Variants in ITGA2B observed in about 807,000 individuals in gnomAD.
The protein encoded by ITGA2B is integrin alpha-IIb.
A neutral mutation model predicts 142.0 loss-of-function variants in ITGA2B; 91 were observed. The ratio of observed to expected loss-of-function variants is 0.64; its 90% CI spans 0.54 to 0.76. The LOEUF (loss-of-function observed/expected upper bound fraction) is 0.76, where lower values mean the gene tolerates loss of function less well. Among genes scored for constraint, ITGA2B ranks in the 30% least tolerant of loss-of-function variants. ITGA2B has a pLI of 0.00. For synonymous variants in ITGA2B, 536 were observed against 567.2 expected, an observed-to-expected ratio of 0.94 and a Z score of 0.78; for missense variants, 1,231 against 1,350.8, an observed-to-expected ratio of 0.91 and a Z score of 1.39.
Position 44,385,886 on chromosome 17 carries a change from G to T in ITGA2B, c.346C>A (p.Gln116Lys), listed in dbSNP as rs2048644287. ...ETRNVGSQTL[Q>K]TFKARQGLGA... ...AGTCCTTGGCGGGCCTTGAAGGTTT[G>T]TAAAGTTTGGGAGCCTACATTTCGG... The change falls in exon 3 of 30, where the codon CAA becomes AAA. Residue 116 changes from glutamine to lysine, a missense_variant. By Grantham distance (53) the Gln-to-Lys change is moderately conservative. Coordinates refer to ENST00000262407, the MANE Select transcript of ITGA2B (RefSeq NM_000419.5). The T allele has an allele frequency of 9.3e-6, 15 of 1,609,906 alleles. No homozygotes were observed. In the East Asian group the frequency reaches 3.3e-4, roughly 36 times the overall value.
Position 44,385,725 on chromosome 17 carries a change from A to G in ITGA2B, c.409-9T>C. ...TGCCAGGGGGCGCAGGCCTGGAGAA[A>G]GGCCACAGGAGTGGGGACGGGCGCG... On this transcript the variant is annotated splice_polypyrimidine_tract_variant and intron_variant, in intron 3 of 29. Transcript: ENST00000262407. The G allele has an allele frequency of 1.9e-6, 3 of 1,613,562 alleles. No individual in the cohort carries two copies. Among genetic ancestry groups the G allele is most frequent in the Non-Finnish European group, 1.7e-6 (2 of 1,179,972 alleles).
At chr17:44,373,875 C>CT in intron 29 of ITGA2B, 1 of 208,032 alleles carries the variant, frequency 4.8e-6, no homozygotes, top group Non-Finnish European at 9.9e-6. Flanking sequence ...TTTGTTTTGC[C>CT]TTTTTTGCTC....
chr17:44,375,836 G>A lies in ITGA2B; in HGVS notation c.2598C>T (p.Leu866=). The A allele has an allele frequency of 6.3e-7, 1 of 1,579,048 alleles. No homozygotes were observed. The highest frequency in any genetic ancestry group is 1.9e-5 in the Admixed American group (1 of 52,778). ...CTTTCTTCCACCCAGCTCTTACCTT[G>A]AGAGGGTTGACAGGAGGCTGTGGGA... ...QCFPQPPVNP[L]KVDWGLPIPS... The change falls in exon 25 of 30, where the codon CTC becomes CTT. Residue 866 remains leucine, a synonymous_variant. Transcript: ENST00000262407.
At position 44,380,396 on chromosome 17, in the gene ITGA2B, G is replaced by T. The variant is rs766088221; in HGVS notation, c.1534C>A (p.Pro512Thr). Reference sequence around the variant, plus strand: ...CCTCTGCCTCCTCACCAGCTCACGGGTGTCTTGGTCTGAGGTAGGACACAG... The same window carrying T: ...CCTCTGCCTCCTCACCAGCTCACGGTTGTCTTGGTCTGAGGTAGGACACAG... The part of the protein sequence containing the change: ...KSCVLPQTKT[P>T]VSCFNIQMCV... The change falls in exon 15 of 30, where the codon CCC (proline) becomes ACC (threonine). Residue 512 changes from proline to threonine, a missense_variant. Around this residue, in one of 3 missense-constraint regions of ITGA2B, gnomAD observed 908 missense variants for 1,021.1 expected, o/e 0.89. Coordinates refer to ENST00000262407, the MANE Select transcript of ITGA2B (RefSeq NM_000419.5). 2.5e-6 allele frequency: 4 copies of T among 1,614,140 alleles called. No homozygotes were observed. The highest frequency in any genetic ancestry group is 8.5e-7 in the Non-Finnish European group (1 of 1,180,028).
At chr17:44,379,561 G>A (rs1474780033) in intron 18 of ITGA2B, 128 bp downstream of exon 18, 1 of 1,452,388 alleles carries the variant, frequency 6.9e-7, no homozygotes, top group Non-Finnish European at 9.6e-7. Context: ...GCTGGATTTT[G>A]AGGTTTTCAT....
At chr17:44,374,781 A>T (rs756486271) in intron 27 of ITGA2B, 21 bp from the exon 28 acceptor site, 1 of 1,600,624 alleles carries the variant, frequency 6.2e-7, no homozygotes, top group Non-Finnish European at 8.6e-7. Flanking sequence ...TGGGGTTGAA[A>T]GCCGTTTACA....
chr17:44,387,857 A>G (rs1463097945), intron 1 of ITGA2B, among the ~76,000 whole-genome samples: 3 of 149,170 alleles, frequency 2.0e-5, no homozygotes, highest in Non-Finnish European at 3.0e-5. Flanking sequence ...AAAAAAAAGA[A>G]GAAGAAGAAA....
At chr17:44,375,382 G>A (rs1598376300) in intron 26 of ITGA2B, 2 of 653,324 alleles carry the variant, frequency 3.1e-6, no homozygotes, top group African/African-American at 1.8e-5. Context: ...GCTCCTTAAC[G>A]TACTGGGAAG....
intron 9 of ITGA2B, 58 bp from the exon 10 acceptor site, chr17:44,384,196 C>T (rs1212590268): frequency 4.5e-6 from 7 of 1,571,594 alleles, no homozygotes; most frequent in Non-Finnish European, 6.1e-6. Context: ...CCTCCCACTC[C>T]AGGTGAGAAA....
At chr17:44,377,341 G>T (rs1417792167) in intron 21 of ITGA2B, among the ~76,000 whole-genome samples, 1 of 151,926 alleles carries the variant, frequency 6.6e-6, no homozygotes, top group African/African-American at 2.4e-5. Flanking sequence ...GACTATAGGC[G>T]TGCGCCACCA....
chr17:44,381,181 G>T, intron 12 of ITGA2B, 120 bp from the exon 13 acceptor site: 1 of 917,762 alleles, frequency 1.1e-6, no homozygotes. Flanking sequence ...TGCAAAGTGT[G>T]GGTGAAGGAG....
chr17:44,389,314 G>C lies in ITGA2B; in HGVS notation c.160C>G (p.Leu54Val). 6.2e-7 allele frequency: 1 copy of C among 1,614,192 alleles called. No homozygotes were observed. Among genetic ancestry groups the C allele is most frequent in the Non-Finnish European group, 8.5e-7 (1 of 1,180,040 alleles). ...GPNGSQFGFS[L>V]DFHKDSHGRV... ...CCATGGCTGTCCTTGTGGAAGTCCA[G>C]TGAAAATCCAAACTGGCTGCCATTG... is the stretch of plus-strand genomic sequence containing the variant. The change falls in exon 1 of 30, where the codon CTG becomes GTG. Residue 54 changes from leucine (L) to valine (V), a missense_variant. Around this residue, in one of 3 missense-constraint regions of ITGA2B, gnomAD observed 318 missense variants for 312.2 expected, o/e 1.02. Coordinates refer to ENST00000262407, the MANE Select transcript of ITGA2B (RefSeq NM_000419.5).
chr17:44,384,390 GC>G lies in ITGA2B; in HGVS notation c.848-37del. 1.9e-6 allele frequency: 3 copies of G among 1,613,356 alleles called. No homozygotes were observed. In the South Asian group the frequency reaches 3.3e-5, roughly 18 times the overall value. ...GGAGAGCCAGGCTCAGGGAATGAGA[GC>G]CTTAGAACCTACCCACTTCCCGCTC... is the stretch of plus-strand genomic sequence containing the variant. On this transcript the variant is annotated intron_variant, in intron 8 of 29. Transcript: ENST00000262407.
In ITGA2B at chr17:44,380,226, GC is replaced by G. The variant is rs778139427; in HGVS notation, c.1600+19del. On this transcript the variant is annotated intron_variant, in intron 16 of 29. Coordinates refer to ENST00000262407, the MANE Select transcript of ITGA2B (RefSeq NM_000419.5). ...GGGAGTCCAAGCCCACCTCCCTCCT[GC>G]CCCCTTCATGCCACTCACATAGCTT... The G allele has an allele frequency of 3.7e-6, 6 of 1,614,098 alleles. No homozygotes were observed. Among genetic ancestry groups the G allele is most frequent in the South Asian group, 1.1e-5 (1 of 91,088 alleles).
chr17:44,386,028 AGG>A lies in ITGA2B; in HGVS notation c.290_291del (p.Pro97LeufsTer5). ...GACTCACGGAGGTCAAAGAGCAGCG[AGG>A]GGCACTGGCCGCCCTCGGCCCTCCA... Reference protein sequence around the residue: ...CPWRAEGGQCPSLLFDLRDET... With the variant: ...CPWRAEGGQCXSLLFDLRDET... On this transcript the variant is annotated frameshift_variant, in exon 2 of 30. Coordinates refer to ENST00000262407, the MANE Select transcript of ITGA2B (RefSeq NM_000419.5). The A allele has an allele frequency of 6.2e-7, 1 of 1,613,600 alleles. No homozygotes were observed. The highest frequency in any genetic ancestry group is 1.3e-5 in the African/African-American group (1 of 75,010).
rs1598379885 is a variant in ITGA2B, at chr17:44,380,448, T to C, written c.1482A>G (p.Gln494=). 1 of 1,614,160 alleles carries C rather than the reference T, an allele frequency of 6.2e-7. No homozygotes were observed. The highest frequency in any genetic ancestry group is 2.2e-5 in the East Asian group (1 of 44,884). ...TCTTCACAGCAGGATTCAGTGAATC[T>C]TGCACCAGTAGCTGGACAGAGGCCT... is the stretch of plus-strand genomic sequence containing the variant. ...VVKASVQLLV[Q]DSLNPAVKSC... is the part of the protein sequence containing the mutation. The change falls in exon 15 of 30, where the codon CAA becomes CAG. Residue 494 remains glutamine (Q), a synonymous_variant. Transcript: ENST00000262407.
intron 29 of ITGA2B, 35 bp downstream of exon 29, chr17:44,374,318 GC>G (rs2048519819): frequency 4.4e-6 from 7 of 1,583,968 alleles, no homozygotes; most frequent in African/African-American, 2.7e-5. Flanking sequence ...CCAAGCCTGT[GC>G]CCCGCTGGGG....
chr17:44,384,969 C>T lies in ITGA2B; in HGVS notation c.778G>A (p.Glu260Lys). 2 of 1,614,090 alleles carry T rather than the reference C, an allele frequency of 1.2e-6. No individual in the cohort carries two copies. The highest frequency in any genetic ancestry group is 1.7e-6 in the Non-Finnish European group (2 of 1,180,012). ...TTACCCCAGTAGCCGTCGAAGTACT[C>T]TGGGTTGCTGGAGTCAAAGGAGAGG... ...QSLSFDSSNP[E>K]YFDGYWGYSV... The change falls in exon 7 of 30, where the codon GAG becomes AAG. Residue 260 changes from glutamate (E) to lysine (K), a missense_variant. This residue lies in a region of ITGA2B where 908 missense variants were observed against 1,021.1 expected (regional missense o/e 0.89). Coordinates refer to ENST00000262407, the MANE Select transcript of ITGA2B (RefSeq NM_000419.5).
intron 21 of ITGA2B, among the ~76,000 whole-genome samples, chr17:44,377,396 A>G (rs915615486): frequency 1.3e-5 from 2 of 151,710 alleles, no homozygotes; most frequent in Non-Finnish European, 2.9e-5. Flanking sequence ...GGGTTTTGCT[A>G]TGTTGGCCAG....
Sources: allele counts gnomAD v4.1 joint callset (sites outside exome capture counted in the v4.1 genomes callset), GRCh38; gene constraint gnomAD v4.1.1; regional missense constraint gnomAD v4.1.1; transcripts MANE v1.5; gene names NCBI Gene and HGNC (gene_info 2026-07-23, HGNC 2026-07-21).